The following CDC73 variants were observed in gnomAD, a reference collection of about 807,000 sequenced individuals.
CDC73 encodes the protein parafibromin.
CDC73 carries 21 observed loss-of-function variants against 83.7 expected under a neutral mutation model. That is an observed-to-expected ratio of 0.25 (90% CI 0.18 to 0.36). The LOEUF is 0.36. Among genes scored for constraint, CDC73 ranks in the 10% least tolerant of loss-of-function variants. The pLI is 1.00. For synonymous variants in CDC73, 224 were observed against 212.9 expected, an observed-to-expected ratio of 1.05 and a Z score of -0.45; for missense variants, 342 against 653.3, an observed-to-expected ratio of 0.52 and a Z score of 5.19.
chr1:193,169,128 A>T (rs1363530059), intron 10 of CDC73, among the ~76,000 whole-genome samples: 1 of 152,232 alleles, frequency 6.6e-6, no homozygotes, highest in Non-Finnish European at 1.5e-5. Flanking sequence ...TCAAGTAATT[A>T]GTACTTGTCT....
At chr1:193,201,403 CTCTT>C (rs1182749101) in intron 10 of CDC73, among the ~76,000 whole-genome samples, 1 of 152,198 alleles carries the variant, frequency 6.6e-6, no homozygotes, top group African/African-American at 2.4e-5. Context: ...GCTTAATTCT[CTCTT>C]TCTGCCAATG....
intron 10 of CDC73, among the ~76,000 whole-genome samples, chr1:193,200,179 G>A (rs72740228): frequency 0.048 from 7,308 of 151,934 alleles, 185 homozygotes; most frequent in African/African-American, 0.066. Flanking sequence ...AGCCAAGATT[G>A]CACCACTGCA....
chr1:193,250,757 T>C lies in CDC73; in HGVS notation c.*45T>C. On this transcript the variant is annotated 3_prime_UTR_variant, in exon 17 of 17. Coordinates refer to ENST00000367435, the MANE Select transcript of CDC73 (RefSeq NM_024529.5). ...TCTGGAAATTGAGACTCAAGCTTTA[T>C]GAATTTATCAAGAACTTAAAAATGA... The C allele has an allele frequency of 6.6e-7, 1 of 1,508,482 alleles. No individual in the cohort carries two copies. Among genetic ancestry groups the C allele is most frequent in the Non-Finnish European group, 9.2e-7 (1 of 1,084,686 alleles). The allele number at this position is 1,508,482 out of a possible 1,614,324, so 93.4% of individuals were successfully genotyped here.
At chr1:193,214,749 C>G (rs985725681) in intron 13 of CDC73, among the ~76,000 whole-genome samples, 1 of 152,082 alleles carries the variant, frequency 6.6e-6, no homozygotes, top group South Asian at 2.1e-4. Context: ...ATTTTATAAG[C>G]TATTTGGCCA....
chr1:193,238,800 G>T (rs905112002), intron 15 of CDC73, among the ~76,000 whole-genome samples: 1 of 152,276 alleles, frequency 6.6e-6, no homozygotes, highest in East Asian at 1.9e-4. Flanking sequence ...TACATTTACT[G>T]TTCATTAAGT....
chr1:193,240,525 T>A (rs1226788428), intron 15 of CDC73, among the ~76,000 whole-genome samples: 1 of 152,170 alleles, frequency 6.6e-6, no homozygotes, highest in African/African-American at 2.4e-5. Flanking sequence ...CATCTGTTAC[T>A]CTGTTTTTAG....
intron 15 of CDC73, among the ~76,000 whole-genome samples, chr1:193,243,928 A>G (rs1677905803): frequency 6.6e-6 from 1 of 152,234 alleles, no homozygotes; most frequent in African/African-American, 2.4e-5. Flanking sequence ...CCAATATGCT[A>G]GCAAGCAATA....
At position 193,152,452 on chromosome 1, in the gene CDC73, A is replaced by G; in HGVS notation, c.972+8A>G. The G allele has an allele frequency of 6.3e-7, 1 of 1,588,430 alleles. No homozygotes were observed. The highest frequency in any genetic ancestry group is 1.1e-5 in the South Asian group (1 of 90,462). ...ACACTGAAATCTGTAACGGTAAGTT[A>G]ATTTGGCTGTAGATGTTCTTTTGTT... is the stretch of plus-strand genomic sequence containing the variant. On this transcript the variant is annotated splice_region_variant and intron_variant, in intron 10 of 16. Transcript: ENST00000367435.
chr1:193,219,391 A>T (rs1036562716), intron 13 of CDC73, among the ~76,000 whole-genome samples: 1 of 152,188 alleles, frequency 6.6e-6, no homozygotes, highest in Admixed American at 6.5e-5. Flanking sequence ...TGATTACTGG[A>T]TATATACCTA....
chr1:193,210,965 G>A (rs747622255), intron 11 of CDC73, among the ~76,000 whole-genome samples: 9 of 152,092 alleles, frequency 5.9e-5, no homozygotes, highest in Admixed American at 2.6e-4. Context: ...AAGCGTATTC[G>A]CACTTCGCAC....
intron 14 of CDC73, among the ~76,000 whole-genome samples, chr1:193,234,515 A>G (rs1230917055): frequency 6.6e-6 from 1 of 151,832 alleles, no homozygotes; most frequent in Non-Finnish European, 1.5e-5. Context: ...AATACAGTGT[A>G]TACAAATCTC....
At chr1:193,129,595 C>T (rs573762940) in intron 2 of CDC73, among the ~76,000 whole-genome samples, 1 of 151,882 alleles carries the variant, frequency 6.6e-6, no homozygotes, top group Admixed American at 6.6e-5. Flanking sequence ...AAACGCCTGT[C>T]TCCGCCTCCT....
Position 193,212,371 on chromosome 1 carries a change from G to T in CDC73, c.1067-19G>T. ...ATTTCTAATAATATATTTTCTACCT[G>T]TAAATTTTGTCTTTATAGGATCTCG... On this transcript the variant is annotated intron_variant, in intron 12 of 16. Transcript: ENST00000367435. 7.0e-7 allele frequency: 1 copy of T among 1,433,264 alleles called. No homozygotes were observed. Among genetic ancestry groups the T allele is most frequent in the Non-Finnish European group, 9.7e-7 (1 of 1,030,966 alleles). The allele number at this position is 1,433,264 out of a possible 1,614,324, so 88.8% of individuals were successfully genotyped here. A position where few individuals can be genotyped will look rare whatever the true frequency, so the allele number is the denominator to read the frequency against.
intron 2 of CDC73, among the ~76,000 whole-genome samples, chr1:193,127,671 C>T (rs920764313): frequency 6.6e-6 from 1 of 151,944 alleles, no homozygotes; most frequent in African/African-American, 2.4e-5. Flanking sequence ...ACCTTGGGAC[C>T]CTTGGTTGCA....
At chr1:193,242,682 A>C (rs955977353) in intron 15 of CDC73, among the ~76,000 whole-genome samples, 1 of 152,184 alleles carries the variant, frequency 6.6e-6, no homozygotes, top group African/African-American at 2.4e-5. Context: ...AATTATTGCT[A>C]GCTACCATTG....
intron 14 of CDC73, among the ~76,000 whole-genome samples, chr1:193,234,765 G>GT (rs1450918039): frequency 1.3e-5 from 2 of 152,082 alleles, no homozygotes; most frequent in African/African-American, 4.8e-5. Flanking sequence ...TTCAACTGTT[G>GT]TAAGTTACAT....
At chr1:193,148,237 CTG>C (rs1390081054) in intron 8 of CDC73, among the ~76,000 whole-genome samples, 1 of 152,198 alleles carries the variant, frequency 6.6e-6, no homozygotes, top group African/African-American at 2.4e-5. Context: ...TTTAGGTAAA[CTG>C]TGGCTGGCCT....
intron 10 of CDC73, among the ~76,000 whole-genome samples, chr1:193,202,212 T>TAAAAAA (rs1677103049): frequency 6.6e-6 from 1 of 152,132 alleles, no homozygotes; most frequent in South Asian, 2.1e-4. Flanking sequence ...CTGATTTTTT[T>TAAAAAA]AAAAATCTAG....
At chr1:193,163,712 A>G (rs1676383261) in intron 10 of CDC73, among the ~76,000 whole-genome samples, 2 of 152,146 alleles carry the variant, frequency 1.3e-5, no homozygotes, top group South Asian at 4.1e-4. Context: ...GTCATCATTA[A>G]TATTTTTGAA....
Sources: gnomAD v4.1 joint callset for allele counts (sites outside exome capture counted in the v4.1 genomes callset) on GRCh38, gnomAD v4.1.1 for gene constraint, MANE v1.5 for transcripts, NCBI Gene and HGNC (gene_info 2026-07-23, HGNC 2026-07-21) for gene names.